The following GOLPH3L variants were observed in gnomAD, a reference collection of about 807,000 sequenced individuals.
GOLPH3L encodes Golgi phosphoprotein 3-like.
A neutral mutation model predicts 30.3 loss-of-function variants in GOLPH3L; 22 were observed. The ratio of observed to expected loss-of-function variants is 0.73; its 90% CI spans 0.52 to 1.04. The LOEUF is 1.04. GOLPH3L is among the 50% of genes least tolerant of loss of function. The pLI is 0.00. For missense variants in GOLPH3L, 303 were observed against 345.8 expected (o/e 0.88, Z 0.98); for synonymous variants, 120 against 128.2 (o/e 0.94, Z 0.43).
intron 3 of GOLPH3L, among the ~76,000 whole-genome samples, chr1:150,663,202 T>G (rs1383884098): frequency 6.7e-6 from 1 of 150,328 alleles, no homozygotes; most frequent in Non-Finnish European, 1.5e-5. Context: ...GCCCCGCTAA[T>G]TTTTTTTTTA....
At chr1:150,695,894 T>G (rs1405030241) in intron 1 of GOLPH3L, among the ~76,000 whole-genome samples, 3 of 152,098 alleles carry the variant, frequency 2.0e-5, no homozygotes, top group African/African-American at 7.2e-5. Context: ...TTAACAAATT[T>G]TCTCAATTTA....
chr1:150,691,419 G>A (rs1651209664), intron 2 of GOLPH3L, among the ~76,000 whole-genome samples: 1 of 152,222 alleles, frequency 6.6e-6, no homozygotes, highest in South Asian at 2.1e-4. Context: ...AGGAGATTGA[G>A]ACAGGAGAAT....
At chr1:150,670,634 T>C (rs1005701009) in intron 2 of GOLPH3L, among the ~76,000 whole-genome samples, 2 of 152,130 alleles carry the variant, frequency 1.3e-5, no homozygotes, top group African/African-American at 4.8e-5. Context: ...ATGTAGACTT[T>C]AGAAAGTGAA....
intron 2 of GOLPH3L, among the ~76,000 whole-genome samples, chr1:150,680,000 G>A (rs587617405): frequency 1.3e-5 from 2 of 151,980 alleles, no homozygotes; most frequent in East Asian, 3.9e-4. Flanking sequence ...AATTTTTATC[G>A]ACTCCTAATT....
chr1:150,658,201 A>G (rs1418671954), intron 4 of GOLPH3L, among the ~76,000 whole-genome samples: 3 of 152,176 alleles, frequency 2.0e-5, no homozygotes, highest in Non-Finnish European at 4.4e-5. Context: ...CATTAGCAAC[A>G]CCCGTTGAAC....
intron 2 of GOLPH3L, among the ~76,000 whole-genome samples, chr1:150,682,691 A>C (rs587611951): frequency 6.6e-6 from 1 of 151,116 alleles, no homozygotes; most frequent in Non-Finnish European, 1.5e-5. Context: ...TTCTTAGGGT[A>C]AATGTATTTC....
In GOLPH3L at chr1:150,646,421, C is replaced by G. The variant is rs1306217398; in HGVS notation, c.*1900G>C. 1.3e-5 allele frequency: 2 copies of G among 152,168 alleles called. No individual in the cohort carries two copies. Among genetic ancestry groups the G allele is most frequent in the Non-Finnish European group, 2.9e-5 (2 of 68,032 alleles). The allele number at this position is 152,168 out of a possible 1,614,324, so 9.4% of individuals were successfully genotyped here. Reference sequence around the variant, plus strand: ...TATCTCCCAATCAAGCTATAACTTTCCACAGGAAAACCTGGTTTCAATTCA... The same window carrying G: ...TATCTCCCAATCAAGCTATAACTTTGCACAGGAAAACCTGGTTTCAATTCA... On this transcript the variant is annotated 3_prime_UTR_variant, in exon 5 of 5. Transcript: ENST00000271732.
At chr1:150,689,839 T>C (rs1378529685) in intron 2 of GOLPH3L, among the ~76,000 whole-genome samples, 1 of 152,028 alleles carries the variant, frequency 6.6e-6, no homozygotes, top group Non-Finnish European at 1.5e-5. Context: ...GGTTTCACCA[T>C]GTTGGCCAGG....
At chr1:150,651,599 A>G (rs1650104088) in intron 4 of GOLPH3L, among the ~76,000 whole-genome samples, 1 of 150,686 alleles carries the variant, frequency 6.6e-6, no homozygotes, top group Admixed American at 6.6e-5. Context: ...CAATGAGCCA[A>G]GATCACACCA....
intron 4 of GOLPH3L, among the ~76,000 whole-genome samples, chr1:150,649,783 G>A (rs587700628): frequency 1.3e-5 from 2 of 152,146 alleles, no homozygotes; most frequent in African/African-American, 4.8e-5. Context: ...ACCAACACTG[G>A]CTGAACAATA....
Position 150,648,130 on chromosome 1 carries a change from G to A in GOLPH3L, c.*191C>T, listed in dbSNP as rs1219019247. 5 of 510,794 alleles carry A rather than the reference G, an allele frequency of 9.8e-6. No homozygotes were observed. Among genetic ancestry groups the A allele is most frequent in the Non-Finnish European group, 1.4e-5 (4 of 290,072 alleles). 31.6% of individuals were successfully genotyped at this position (510,794 alleles called of 1,614,324 possible). A position where few individuals can be genotyped will look rare whatever the true frequency, so the allele number is the denominator to read the frequency against. ...TATTTACCTATGGAGTGGAAGTGTA[G>A]GGAGAAATAAGGTCTGCTTATAATG... On this transcript the variant is annotated 3_prime_UTR_variant, in exon 5 of 5. Transcript: ENST00000271732.
chr1:150,696,788 AGG>A (rs1025330962), intron 1 of GOLPH3L, among the ~76,000 whole-genome samples: 2 of 2,082 alleles, frequency 9.6e-4, no homozygotes, highest in Admixed American at 9.1e-3. Flanking sequence ...TTCGCGGGGC[AGG>A]GGGGGAGGGG....
At chr1:150,679,666 G>T (rs915823148) in intron 2 of GOLPH3L, among the ~76,000 whole-genome samples, 1 of 152,124 alleles carries the variant, frequency 6.6e-6, no homozygotes, top group African/African-American at 2.4e-5. Flanking sequence ...CAGGCATGGC[G>T]GCATACGCCT....
intron 4 of GOLPH3L, among the ~76,000 whole-genome samples, chr1:150,656,283 T>C (rs1266406834): frequency 6.6e-6 from 1 of 152,152 alleles, no homozygotes; most frequent in Admixed American, 6.5e-5. Context: ...ACACTACCAT[T>C]GTGCCACAAG....
rs181485131 is a variant in GOLPH3L, at chr1:150,670,657, T to C, written c.184-6894A>G. On this transcript the variant is annotated intron_variant, in intron 2 of 4. Transcript: ENST00000271732. ...TTTAGAAAGTGAAAGTGTTCTAGAA[T>C]CTTATCCCCTCTAGAGGATCACTAC... 1.4e-3 allele frequency among the ~76,000 whole-genome samples: 216 copies of C among 152,306 alleles called. 1 individual carries two copies. Among genetic ancestry groups the C allele is most frequent in the Admixed American group, 0.013 (193 of 15,284 alleles).
At chr1:150,693,893 T>G (rs1651280586) in intron 2 of GOLPH3L, among the ~76,000 whole-genome samples, 1 of 124,182 alleles carries the variant, frequency 8.1e-6, no homozygotes, top group African/African-American at 3.0e-5. Context: ...AGGGTCTCAC[T>G]CTGTCATCCA....
rs148713645 is a variant in GOLPH3L, at chr1:150,648,867, T to G, written c.431-119A>C. 65 of 662,332 alleles carry G rather than the reference T, an allele frequency of 9.8e-5. No individual in the cohort carries two copies. In the African/African-American group the frequency reaches 1.0e-3, roughly 11 times the overall value. The allele number at this position is 662,332 out of a possible 1,614,324, so 41.0% of individuals were successfully genotyped here. On this transcript the variant is annotated intron_variant, in intron 4 of 4. Transcript: ENST00000271732. ...AAAAGCATAATCTTCATTCCTCAAT[T>G]CATTTAATCCTTAGTCCTTTATAAT...
At position 150,648,396 on chromosome 1, in the gene GOLPH3L, G is replaced by A. The variant is rs1346697700; in HGVS notation, c.783C>T (p.Asp261=). 2 of 1,613,708 alleles carry A rather than the reference G, an allele frequency of 1.2e-6. No homozygotes were observed. ...MNRAKDLVEL[D]PEVEGTKPSA... Reference sequence around the variant, plus strand: ...TAGGCTTTGTCCCTTCCACTTCAGGGTCCAGTTCTACTAAGTCCTTGGCTC... The same window carrying A: ...TAGGCTTTGTCCCTTCCACTTCAGGATCCAGTTCTACTAAGTCCTTGGCTC... The change falls in exon 5 of 5, where the codon GAC becomes GAT. Residue 261 remains aspartate, a synonymous_variant. Transcript: ENST00000271732.
intron 2 of GOLPH3L, among the ~76,000 whole-genome samples, chr1:150,682,623 CAAAAAA>C (rs145118551): frequency 1.2e-4 from 6 of 50,314 alleles, no homozygotes; most frequent in East Asian, 6.8e-4. Context: ...GACTCTTTCT[CAAAAAA>C]AAAAAAAAAA....
Sources: gnomAD v4.1 joint callset for allele counts (sites outside exome capture counted in the v4.1 genomes callset) on GRCh38, gnomAD v4.1.1 for gene constraint, MANE v1.5 for transcripts, NCBI Gene and HGNC (gene_info 2026-07-23, HGNC 2026-07-21) for gene names.